The following VWA8 variants were observed in gnomAD, a reference collection of about 807,000 sequenced individuals.
VWA8 encodes von Willebrand factor A domain containing 8, also known as von Willebrand factor A domain-containing protein 8.
A neutral mutation model predicts 241.5 loss-of-function variants in VWA8; 221 were observed. That is an observed-to-expected ratio of 0.91 (90% CI 0.82 to 1.02). VWA8 has a LOEUF of 1.02. Among genes scored for constraint, VWA8 ranks in the 50% least tolerant of loss-of-function variants. The pLI is 0.00. For synonymous variants in VWA8, 852 were observed against 827.1 expected (o/e 1.03, Z -0.52); for missense variants, 2,322 against 2,328.7 (o/e 1.00, Z 0.06).
intron 8 of VWA8, among the ~76,000 whole-genome samples, chr13:41,884,209 C>G (rs1418276515): frequency 6.6e-6 from 1 of 152,146 alleles, no homozygotes; most frequent in African/African-American, 2.4e-5. Flanking sequence ...TTGTAGCTCC[C>G]ACAATCCCCA....
intron 38 of VWA8, among the ~76,000 whole-genome samples, chr13:41,614,240 G>A (rs562425348): frequency 3.3e-5 from 5 of 152,314 alleles, no homozygotes; most frequent in Admixed American, 6.5e-5. Flanking sequence ...AAGGCCAAGA[G>A]GCACAGACCA....
At position 41,575,813 on chromosome 13, in the gene VWA8, T is replaced by G. The variant is rs201909382; in HGVS notation, c.5297A>C (p.Asp1766Ala). 885 of 1,612,958 alleles carry G rather than the reference T, an allele frequency of 5.5e-4. No individual in the cohort carries two copies. Among genetic ancestry groups the G allele is most frequent in the Non-Finnish European group, 7.3e-4 (857 of 1,179,856 alleles). Residue 1766 changes from aspartate to alanine, a missense_variant, in exon 43 of 45, where the codon GAT becomes GCT. Coordinates refer to ENST00000379310, the MANE Select transcript of VWA8 (RefSeq NM_015058.2). ...TGGAACCAGACCAATGTTGTAGCCATCTCCAGAGTGTCCAACGATGTCATA... is the reference window on the plus strand; with the variant it reads ...TGGAACCAGACCAATGTTGTAGCCAGCTCCAGAGTGTCCAACGATGTCATA... Reference protein sequence around the residue: ...FQYDIVGHSGDGYNIGLVPMN... With the variant: ...FQYDIVGHSGAGYNIGLVPMN...
chr13:41,758,369 C>CAT (rs374621428), intron 21 of VWA8, among the ~76,000 whole-genome samples: 8,514 of 72,722 alleles, frequency 0.12, 831 homozygotes, highest in Non-Finnish European at 0.14. Flanking sequence ...TAGATACTAG[C>CAT]ATATATATAT....
At chr13:41,790,453 A>G (rs1405567125) in intron 17 of VWA8, among the ~76,000 whole-genome samples, 1 of 152,044 alleles carries the variant, frequency 6.6e-6, no homozygotes, top group East Asian at 1.9e-4. Flanking sequence ...AATTTCTGAC[A>G]ACTGCATGCA....
intron 12 of VWA8, 112 bp downstream of exon 12, chr13:41,865,624 C>A (rs1405598559): frequency 2.5e-6 from 3 of 1,183,730 alleles, no homozygotes; most frequent in African/African-American, 1.6e-5. Context: ...TATTTTGGTT[C>A]TTTACCTATA....
At chr13:41,653,975 A>C (rs900196886) in intron 37 of VWA8, among the ~76,000 whole-genome samples, 65 of 152,202 alleles carry the variant, frequency 4.3e-4, no homozygotes, top group African/African-American at 1.5e-3. Flanking sequence ...ACTAGGAAAT[A>C]CCATTCTGGA....
At chr13:41,730,199 C>T (rs2045471448) in intron 22 of VWA8, among the ~76,000 whole-genome samples, 1 of 152,068 alleles carries the variant, frequency 6.6e-6, no homozygotes, top group Admixed American at 6.6e-5. Flanking sequence ...TCAAGAAATC[C>T]TGGGGCATAT....
At chr13:41,896,202 AT>A (rs1404629539) in intron 4 of VWA8, among the ~76,000 whole-genome samples, 3 of 152,020 alleles carry the variant, frequency 2.0e-5, no homozygotes, top group Middle Eastern at 6.8e-3. Context: ...TTGGAAAAAA[AT>A]TTTTTTTGCT....
At chr13:41,751,609 C>T (rs910697756) in intron 21 of VWA8, among the ~76,000 whole-genome samples, 4 of 152,138 alleles carry the variant, frequency 2.6e-5, no homozygotes, top group Admixed American at 6.6e-5. Context: ...AGGAGAGCCT[C>T]ATATATTGAA....
intron 2 of VWA8, among the ~76,000 whole-genome samples, chr13:41,942,945 C>T (rs1259137495): frequency 6.6e-6 from 1 of 152,118 alleles, no homozygotes; most frequent in East Asian, 1.9e-4. Flanking sequence ...TGAGTTGCAG[C>T]AAGCAGAATA....
chr13:41,624,995 C>T (rs1364532058), intron 37 of VWA8, among the ~76,000 whole-genome samples: 1 of 152,172 alleles, frequency 6.6e-6, no homozygotes. Context: ...AATCGATGTA[C>T]AAACATCAGT....
intron 12 of VWA8, among the ~76,000 whole-genome samples, chr13:41,851,722 G>A (rs951657066): frequency 2.0e-5 from 3 of 152,210 alleles, no homozygotes; most frequent in Admixed American, 6.5e-5. Flanking sequence ...CCAGTCTCGG[G>A]TGTGTCTTTA....
intron 17 of VWA8, among the ~76,000 whole-genome samples, chr13:41,793,090 C>T (rs1210721390): frequency 6.6e-6 from 1 of 152,116 alleles, no homozygotes; most frequent in Non-Finnish European, 1.5e-5. Flanking sequence ...AGAATATTTG[C>T]TGTAAATTTC....
At chr13:41,774,890 T>C (rs17637806) in intron 20 of VWA8, among the ~76,000 whole-genome samples, 9,335 of 152,218 alleles carry the variant, frequency 0.061, 355 homozygotes, top group East Asian at 0.11. Context: ...TTAAAAAATC[T>C]GAAAAGGAAG....
intron 40 of VWA8, among the ~76,000 whole-genome samples, chr13:41,604,370 ATC>A (rs1315098618): frequency 2.0e-5 from 3 of 152,132 alleles, no homozygotes; most frequent in African/African-American, 4.8e-5. Context: ...GAAATTAGAC[ATC>A]TGTTTAATTA....
intron 4 of VWA8, among the ~76,000 whole-genome samples, chr13:41,894,762 A>T (rs73185335): frequency 0.012 from 1,895 of 152,348 alleles, 13 homozygotes; most frequent in East Asian, 0.021. Context: ...AGTCAATGTG[A>T]CCAGTAATGA....
At chr13:41,606,913 C>G (rs1471574901) in intron 39 of VWA8, among the ~76,000 whole-genome samples, 1 of 152,036 alleles carries the variant, frequency 6.6e-6, no homozygotes, top group Non-Finnish European at 1.5e-5. Context: ...TTTCATGTGC[C>G]CTATACAGAC....
At chr13:41,940,959 C>A (rs1307697156) in intron 2 of VWA8, among the ~76,000 whole-genome samples, 1 of 152,026 alleles carries the variant, frequency 6.6e-6, no homozygotes, top group Non-Finnish European at 1.5e-5. Context: ...CAAATGCTTT[C>A]AATATTAACT....
intron 21 of VWA8, among the ~76,000 whole-genome samples, chr13:41,757,224 G>A (rs916935407): frequency 6.6e-6 from 1 of 151,688 alleles, no homozygotes; most frequent in Non-Finnish European, 1.5e-5. Context: ...TACAGCTCCT[G>A]TAGGATTATG....
Sources: allele counts gnomAD v4.1 joint callset (sites outside exome capture counted in the v4.1 genomes callset), GRCh38; gene constraint gnomAD v4.1.1; transcripts MANE v1.5; gene names NCBI Gene and HGNC (gene_info 2026-07-23, HGNC 2026-07-21).